PTS: variants seen among roughly 807,000 people sequenced by gnomAD.
The protein encoded by PTS is 6-pyruvoyl tetrahydrobiopterin synthase.
PTS carries 23 observed loss-of-function variants against 20.6 expected under a neutral mutation model. The observed-to-expected ratio is 1.12, with a 90% CI of 0.80 to 1.58. PTS has a LOEUF of 1.58. Among genes scored for constraint, PTS ranks in the 40% most tolerant of loss-of-function variants. The pLI is 0.00. For synonymous variants in PTS, 65 were observed against 62.5 expected, an observed-to-expected ratio of 1.04 and a Z score of -0.19; for missense variants, 186 against 182.4, an observed-to-expected ratio of 1.02 and a Z score of -0.11.
chr11:112,229,840 T>G (rs1032959873), intron 2 of PTS, among the ~76,000 whole-genome samples: 4 of 152,246 alleles, frequency 2.6e-5, no homozygotes, highest in African/African-American at 9.6e-5. Flanking sequence ...TTGGACCAGC[T>G]TGCTGTGTAG....
intron 2 of PTS, chr11:112,229,181 A>G (rs1859900550): frequency 6.0e-6 from 1 of 165,672 alleles, no homozygotes; most frequent in African/African-American, 2.4e-5. Flanking sequence ...CGTAGAGTAT[A>G]AAACAGTATG....
chr11:112,229,849 A>G lies in PTS; in HGVS notation c.164-359A>G, dbSNP rs559609721. 2.7e-3 allele frequency among the ~76,000 whole-genome samples: 416 copies of G among 152,344 alleles called. 2 individuals are homozygous for G. The highest frequency in any genetic ancestry group is 9.8e-3 in the African/African-American group (408 of 41,574). On this transcript the variant is annotated intron_variant, in intron 2 of 5. Transcript: ENST00000280362. ...TCAGTATTGGACCAGCTTGCTGTGT[A>G]GCTGGACACCTGAAAGACATTTTCT...
In PTS at chr11:112,233,477, A is replaced by G; in HGVS notation, c.360A>G (p.Lys120=). 1 of 1,613,678 alleles carries G rather than the reference A, an allele frequency of 6.2e-7. No homozygotes were observed. Among genetic ancestry groups the G allele is most frequent in the Non-Finnish European group, 8.5e-7 (1 of 1,179,864 alleles). ...TTTATATCTGGGACAACCTCCAGAA[A>G]GTTCTTCCTGTAGGAGTTCTTTATA... ...VAVYIWDNLQ[K]VLPVGVLYKV... is the part of the protein sequence containing the mutation. Residue 120 remains lysine (K), a synonymous_variant, in exon 6 of 6, where the codon AAA becomes AAG. Transcript: ENST00000280362.
chr11:112,233,151 T>G lies in PTS; in HGVS notation c.244-12T>G, dbSNP rs2135410279. Reference sequence around the variant, plus strand: ...TGGAGTCAATGATATTTTCCCTTGGTTTTGTCTCTAGGAGGCGATTATGCA... The same window carrying G: ...TGGAGTCAATGATATTTTCCCTTGGGTTTGTCTCTAGGAGGCGATTATGCA... On this transcript the variant is annotated splice_polypyrimidine_tract_variant and intron_variant, in intron 4 of 5. Coordinates refer to ENST00000280362, the MANE Select transcript of PTS (RefSeq NM_000317.3). 1.2e-6 allele frequency: 2 copies of G among 1,611,318 alleles called. No individual in the cohort carries two copies. The highest frequency in any genetic ancestry group is 8.5e-7 in the Non-Finnish European group (1 of 1,177,484).
intron 2 of PTS, chr11:112,229,042 T>G: frequency 4.2e-6 from 1 of 235,920 alleles, no homozygotes; most frequent in Non-Finnish European, 8.3e-6. Flanking sequence ...AGGAATGTAA[T>G]GTATGGCAGA....
chr11:112,230,707 A>C, intron 4 of PTS, 25 bp downstream of exon 4: 1 of 1,580,860 alleles, frequency 6.3e-7, no homozygotes, highest in Non-Finnish European at 8.7e-7. Flanking sequence ...GGTGCTTATT[A>C]TGTGCTATTC....
chr11:112,226,568 G>T, intron 1 of PTS, 42 bp downstream of exon 1: 1 of 1,483,154 alleles, frequency 6.7e-7, no homozygotes, highest in East Asian at 2.9e-5. Flanking sequence ...GGTGGGCGCC[G>T]GGCCCCGGAA....
intron 3 of PTS, 158 bp downstream of exon 3, chr11:112,230,388 C>G (rs1481055872): frequency 1.1e-6 from 1 of 947,988 alleles, no homozygotes; most frequent in Non-Finnish European, 1.7e-6. Context: ...CCAGGCCTCT[C>G]CTCTACCAAA....
chr11:112,231,597 T>A (rs1278072323), intron 4 of PTS, among the ~76,000 whole-genome samples: 1 of 152,192 alleles, frequency 6.6e-6, no homozygotes, highest in Non-Finnish European at 1.5e-5. Flanking sequence ...AATGATTACT[T>A]CTTTCACATT....
chr11:112,226,450 A>G lies in PTS; in HGVS notation c.7A>G (p.Thr3Ala). ...CGCAGACAGCGCCGGGAAGATGAGC[A>G]CGGAAGGTGGTGGCCGTCGCTGCCA... MS[T>A]EGGGRRCQAQ... Residue 3 changes from threonine to alanine, a missense_variant, in exon 1 of 6, where the codon ACG becomes GCG. Coordinates refer to ENST00000280362, the MANE Select transcript of PTS (RefSeq NM_000317.3). 1 of 1,579,936 alleles carries G rather than the reference A, an allele frequency of 6.3e-7. No individual in the cohort carries two copies. The highest frequency in any genetic ancestry group is 8.6e-7 in the Non-Finnish European group (1 of 1,165,094).
chr11:112,226,618 C>G (rs982553665), intron 1 of PTS, 92 bp downstream of exon 1: 12 of 1,156,844 alleles, frequency 1.0e-5, no homozygotes, highest in African/African-American at 1.6e-5. Flanking sequence ...TGACGTCGGG[C>G]CCGGGAGGGG....
chr11:112,230,281 T>G, intron 3 of PTS, 51 bp downstream of exon 3: 1 of 1,578,850 alleles, frequency 6.3e-7, no homozygotes, highest in Non-Finnish European at 8.7e-7. Context: ...GGGCTCTCTT[T>G]CAGCCAGTGT....
At chr11:112,226,759 C>A (rs1357852543) in intron 1 of PTS, among the ~76,000 whole-genome samples, 1 of 151,894 alleles carries the variant, frequency 6.6e-6, no homozygotes, top group Non-Finnish European at 1.5e-5. Flanking sequence ...ACGGAGCCGA[C>A]TGCGGAGGGC....
intron 4 of PTS, among the ~76,000 whole-genome samples, chr11:112,232,846 G>A (rs1437040268): frequency 1.3e-5 from 2 of 152,232 alleles, no homozygotes; most frequent in East Asian, 3.8e-4. Context: ...TGTTTGGACA[G>A]GATTCACAAA....
At chr11:112,226,844 C>G (rs1033999720) in intron 1 of PTS, among the ~76,000 whole-genome samples, 33 of 151,890 alleles carry the variant, frequency 2.2e-4, no homozygotes, top group African/African-American at 7.5e-4. Flanking sequence ...CTAGGAGTCC[C>G]TTGGTGTAGA....
chr11:112,230,396 A>G (rs899692941), intron 3 of PTS, 166 bp downstream of exon 3: 128 of 917,346 alleles, frequency 1.4e-4, no homozygotes, highest in South Asian at 6.9e-4. Flanking sequence ...CTCCTCTACC[A>G]AAGTGTTGTC....
Position 112,233,726 on chromosome 11 carries a change from T to G in PTS, c.*171T>G, listed in dbSNP as rs1859976557. Reference sequence around the variant, plus strand: ...GACCTGTTATAAATTTAAGTCTATTTAAAACTAAACTTGTAATATACATCC... The same window carrying G: ...GACCTGTTATAAATTTAAGTCTATTGAAAACTAAACTTGTAATATACATCC... On this transcript the variant is annotated 3_prime_UTR_variant, in exon 6 of 6. Coordinates refer to ENST00000280362, the MANE Select transcript of PTS (RefSeq NM_000317.3). The G allele has an allele frequency of 1.1e-6, 1 of 892,646 alleles. No homozygotes were observed. Among genetic ancestry groups the G allele is most frequent in the African/African-American group, 1.7e-5 (1 of 58,516 alleles). 55.3% of individuals were successfully genotyped at this position (892,646 alleles called of 1,614,324 possible).
chr11:112,228,660 G>A lies in PTS; in HGVS notation c.150G>A (p.Gly50=). 1.2e-6 allele frequency: 2 copies of A among 1,612,214 alleles called. No homozygotes were observed. The highest frequency in any genetic ancestry group is 8.5e-7 in the Non-Finnish European group (1 of 1,179,216). The part of the protein sequence containing the change: ...FGKCNNPNGH[G]HNYKVVVTVH... ...AATGCAACAATCCAAATGGCCATGG[G>A]CACAATTATAAAGGTGAGAGAAAAA... Residue 50 remains glycine (G), a synonymous_variant, in exon 2 of 6, where the codon GGG becomes GGA. Transcript: ENST00000280362.
In PTS at chr11:112,230,092, G is replaced by A. The variant is rs750872156; in HGVS notation, c.164-116G>A. 9.9e-5 allele frequency: 101 copies of A among 1,020,190 alleles called. No homozygotes were observed. The East Asian group carries it at 1.2e-3, about 12-fold the overall frequency. 63.2% of individuals were successfully genotyped at this position (1,020,190 alleles called of 1,614,324 possible). A position where few individuals can be genotyped will look rare whatever the true frequency, so the allele number is the denominator to read the frequency against. ...GTAAATATTTAAGTATAGCTTTTGG[G>A]GACAGATCTAATAATTTATGTTGCC... On this transcript the variant is annotated intron_variant, in intron 2 of 5. Transcript: ENST00000280362.
Sources: gnomAD v4.1 joint callset for allele counts (sites outside exome capture counted in the v4.1 genomes callset) on GRCh38, gnomAD v4.1.1 for gene constraint, MANE v1.5 for transcripts, NCBI Gene and HGNC (gene_info 2026-07-23, HGNC 2026-07-21) for gene names.